KIAA1614: variants seen among roughly 807,000 people sequenced by gnomAD.
KIAA1614 encodes the protein KIAA1614.
KIAA1614 carries 76 observed loss-of-function variants against 88.7 expected under a neutral mutation model. That is an observed-to-expected ratio of 0.86 (90% CI 0.71 to 1.04). The LOEUF is 1.04. Among genes scored for constraint, KIAA1614 ranks in the 50% least tolerant of loss-of-function variants. The probability of loss-of-function intolerance (pLI) is 0.00; values close to 1 mark genes in which losing one functional copy is unlikely to be tolerated. For synonymous variants in KIAA1614, 714 were observed against 675.5 expected (o/e 1.06, Z -0.88); for missense variants, 1,553 against 1,582.5 (o/e 0.98, Z 0.32).
intron 4 of KIAA1614, among the ~76,000 whole-genome samples, chr1:180,932,735 GT>G (rs1329099088): frequency 7.0e-6 from 1 of 143,866 alleles, no homozygotes; most frequent in Non-Finnish European, 1.5e-5. Flanking sequence ...TTGTTTGTTT[GT>G]TTTTTTCGAG....
At chr1:180,923,746 C>CCGGA (rs1456828711) in intron 3 of KIAA1614, among the ~76,000 whole-genome samples, 17 of 151,998 alleles carry the variant, frequency 1.1e-4, no homozygotes, top group African/African-American at 4.1e-4. Flanking sequence ...ATGGGGAGTC[C>CCGGA]CGGCTGAGTG....
chr1:180,933,472 T>A (rs1300947475), intron 4 of KIAA1614, among the ~76,000 whole-genome samples: 2 of 151,886 alleles, frequency 1.3e-5, no homozygotes, highest in Non-Finnish European at 2.9e-5. Flanking sequence ...GATAAAGAAG[T>A]GATAAATGAA....
chr1:180,950,546 G>GCTGCCCT lies in KIAA1614; in HGVS notation c.*4960_*4966dup. 1 of 1,084,770 alleles carries GCTGCCCT rather than the reference G, an allele frequency of 9.2e-7. No homozygotes were observed. The highest frequency in any genetic ancestry group is 1.1e-6 in the Non-Finnish European group (1 of 883,922). 67.2% of individuals were successfully genotyped at this position (1,084,770 alleles called of 1,614,324 possible). Reference sequence around the variant, plus strand: ...TGTCCCACGGTGACCCAGAAGTGCCGCTGCCCTCACTGTCACGGCCTCGGA... The same window carrying GCTGCCCT: ...TGTCCCACGGTGACCCAGAAGTGCCGCTGCCCTCTGCCCTCACTGTCACGGCCTCGGA... On this transcript the variant is annotated 3_prime_UTR_variant, in exon 9 of 9. Transcript: ENST00000367588.
In KIAA1614 at chr1:180,924,045, G is replaced by A. The variant is rs371884619; in HGVS notation, c.1062-4385G>A. ...TAACACGCTCCCAGTGTCTCACCCTGGGTGGAGAAGGAAGCCCTATCACAA... is the reference window on the plus strand; with the variant it reads ...TAACACGCTCCCAGTGTCTCACCCTAGGTGGAGAAGGAAGCCCTATCACAA... On this transcript the variant is annotated intron_variant, in intron 3 of 8. Transcript: ENST00000367588. Among the ~76,000 whole-genome samples, 111 of 152,138 alleles carry A rather than the reference G, an allele frequency of 7.3e-4. 2 individuals are homozygous for A. The South Asian group carries it at 0.022, about 30-fold the overall frequency.
At chr1:180,921,904 C>G (rs1653960691) in intron 3 of KIAA1614, among the ~76,000 whole-genome samples, 1 of 152,200 alleles carries the variant, frequency 6.6e-6, no homozygotes, top group South Asian at 2.1e-4. Context: ...CCTTCCCTTC[C>G]TTGAGCCTCT....
At position 180,936,027 on chromosome 1, in the gene KIAA1614, T is replaced by C. The variant is rs1654324913; in HGVS notation, c.2118T>C (p.Asp706=). 1.2e-6 allele frequency: 2 copies of C among 1,613,912 alleles called. No individual in the cohort carries two copies. Among genetic ancestry groups the C allele is most frequent in the Non-Finnish European group, 1.7e-6 (2 of 1,179,922 alleles). ...AAGGAACTCTATTTTTGAGAGAAGA[T>C]GCCAAGCCTCCTGACCTGGAGTTGA... ...TPEGTLFLRE[D]AKPPDLELKR... The change falls in exon 5 of 9, where the codon GAT becomes GAC. Residue 706 remains aspartate (D), a synonymous_variant. Coordinates refer to ENST00000367588, the MANE Select transcript of KIAA1614 (RefSeq NM_020950.2).
At position 180,951,121 on chromosome 1, in the gene KIAA1614, G is replaced by T. The variant is rs191635988; in HGVS notation, c.*5533G>T. The T allele has an allele frequency of 7.2e-5, 11 of 152,196 alleles. No homozygotes were observed. The highest frequency in any genetic ancestry group is 2.7e-4 in the African/African-American group (11 of 41,444). 9.4% of individuals were successfully genotyped at this position (152,196 alleles called of 1,614,324 possible). On this transcript the variant is annotated 3_prime_UTR_variant, in exon 9 of 9. Transcript: ENST00000367588. The stretch of plus-strand genomic sequence containing the variant: ...TCTGGCAGGAGTTTTATGCCCCTTC[G>T]GGGTGTGGGAATTCTGGGAGATGTT...
At chr1:180,940,732 T>A (rs1571300452) in intron 6 of KIAA1614, among the ~76,000 whole-genome samples, 1 of 151,972 alleles carries the variant, frequency 6.6e-6, no homozygotes, top group South Asian at 2.1e-4. Flanking sequence ...TTCTTTTCTT[T>A]TTTTTGGGTC....
In KIAA1614 at chr1:180,916,501, C is replaced by T. The variant is rs763432783; in HGVS notation, c.398C>T (p.Ser133Phe). The change falls in exon 2 of 9, where the codon TCT (serine) becomes TTT (phenylalanine). Residue 133 changes from serine to phenylalanine, a missense_variant. Physicochemically the swap from Ser to Phe is radical, Grantham distance 155 (BLOSUM62 -2). Coordinates refer to ENST00000367588, the MANE Select transcript of KIAA1614 (RefSeq NM_020950.2). ...AGAGCCGGGACTCCATCAGAGGGGT[C>T]TTTCCTGCCAGGTGCTGTGGTGGCT... ...AGRAGTPSEG[S>F]FLPGAVVAPR... 2 of 1,614,116 alleles carry T rather than the reference C, an allele frequency of 1.2e-6. No individual in the cohort carries two copies. The highest frequency in any genetic ancestry group is 1.7e-6 in the Non-Finnish European group (2 of 1,180,038).
chr1:180,917,795 G>A, intron 2 of KIAA1614, 56 bp from the exon 3 acceptor site: 1 of 1,419,472 alleles, frequency 7.0e-7, no homozygotes, highest in South Asian at 1.1e-5. Context: ...CTAAGTGGCA[G>A]CTGAGAGCCC....
chr1:180,944,210 G>GA (rs1356557445), intron 7 of KIAA1614, 179 bp from the exon 8 acceptor site: 1 of 565,512 alleles, frequency 1.8e-6, no homozygotes. Flanking sequence ...GATGGCCTAT[G>GA]TAGACCCATG....
At chr1:180,928,680 G>A in intron 4 of KIAA1614, 107 bp downstream of exon 4, 2 of 1,245,864 alleles carry the variant, frequency 1.6e-6, no homozygotes, top group Non-Finnish European at 2.2e-6. Flanking sequence ...CGCTCCATGT[G>A]TGTGTGTGTC....
intron 2 of KIAA1614, 107 bp from the exon 3 acceptor site, chr1:180,917,744 G>A: frequency 2.2e-6 from 2 of 890,110 alleles, no homozygotes; most frequent in South Asian, 1.4e-5. Context: ...TTTATCTGGG[G>A]AGTAAGTTGC....
At position 180,935,554 on chromosome 1, in the gene KIAA1614, G is replaced by C; in HGVS notation, c.1645G>C (p.Ala549Pro). Reference sequence around the variant, plus strand: ...CAGCTGCATCGACGACCCGCGCCCCGCCCAGGGGAAGGCGCCCCCCGTCCC... The same window carrying C: ...CAGCTGCATCGACGACCCGCGCCCCCCCCAGGGGAAGGCGCCCCCCGTCCC... ...CGSCIDDPRP[A>P]QGKAPPVPRT... The change falls in exon 5 of 9, where the codon GCC (alanine) becomes CCC (proline). Residue 549 changes from alanine to proline, a missense_variant. By Grantham distance (27) the Ala-to-Pro change is conservative. Coordinates refer to ENST00000367588, the MANE Select transcript of KIAA1614 (RefSeq NM_020950.2). The surrounding 1 kb of genome is among the most constrained non-coding windows in gnomAD (Gnocchi z 6.1). 3.1e-6 allele frequency: 5 copies of C among 1,596,168 alleles called. No individual in the cohort carries two copies. Among genetic ancestry groups the C allele is most frequent in the African/African-American group, 1.3e-5 (1 of 74,592 alleles).
At chr1:180,922,457 C>A (rs1318259734) in intron 3 of KIAA1614, among the ~76,000 whole-genome samples, 1 of 152,106 alleles carries the variant, frequency 6.6e-6, no homozygotes, top group Non-Finnish European at 1.5e-5. Flanking sequence ...GGGTCCCGAT[C>A]TTCAGGCCCC....
chr1:180,942,318 T>C (rs759458281), intron 7 of KIAA1614, among the ~76,000 whole-genome samples: 14 of 152,192 alleles, frequency 9.2e-5, no homozygotes, highest in Non-Finnish European at 1.5e-4. Flanking sequence ...CGCCCCACGC[T>C]CTGCAACCAG....
At chr1:180,941,934 C>G (rs1231873454) in intron 7 of KIAA1614, among the ~76,000 whole-genome samples, 1 of 152,176 alleles carries the variant, frequency 6.6e-6, no homozygotes, top group Non-Finnish European at 1.5e-5. Context: ...GACTTCGAAC[C>G]TTCAGGGCTC....
rs1485600277 is a variant in KIAA1614 at position 180,938,736 on chromosome 1, A to G, written c.2918+25A>G. 5 of 1,610,516 alleles carry G rather than the reference A, an allele frequency of 3.1e-6. No homozygotes were observed. The South Asian group carries it at 3.3e-5, about 11-fold the overall frequency. On this transcript the variant is annotated intron_variant, in intron 6 of 8. Transcript: ENST00000367588. ...GGTGAGTGACAGGAGAAAGAGCCAGATTGCAGAAGGAGGTGGGAATGGGGG... is the reference window on the plus strand; with the variant it reads ...GGTGAGTGACAGGAGAAAGAGCCAGGTTGCAGAAGGAGGTGGGAATGGGGG...
In KIAA1614 at chr1:180,917,903, C is replaced by T. The variant is rs377498784; in HGVS notation, c.1050C>T (p.Ser350=). Residue 350 remains serine (S), a synonymous_variant, in exon 3 of 9, where the codon TCC becomes TCT. Transcript: ENST00000367588. ...CCTCGGGCACCTCCTTGCAGGACTCCGGCCAGAACAGGTAAGAGCTCAGAG... is the reference window on the plus strand; with the variant it reads ...CCTCGGGCACCTCCTTGCAGGACTCTGGCCAGAACAGGTAAGAGCTCAGAG... ...DWASGTSLQD[S]GQNRTVGPNP... is the part of the protein sequence containing the mutation. 4.6e-5 allele frequency: 75 copies of T among 1,613,690 alleles called. No individual in the cohort carries two copies. Among genetic ancestry groups the T allele is most frequent in the Middle Eastern group, 1.7e-4 (1 of 6,056 alleles).
Sources: gnomAD v4.1 joint callset for allele counts (sites outside exome capture counted in the v4.1 genomes callset) on GRCh38, gnomAD v4.1.1 for gene constraint, Gnocchi (gnomAD v3.1) non-coding constraint, MANE v1.5 for transcripts, NCBI Gene and HGNC (gene_info 2026-07-23, HGNC 2026-07-21) for gene names.